TWIST1: variants seen among roughly 807,000 people sequenced by gnomAD.
TWIST1 encodes twist family bHLH transcription factor 1.
In TWIST1, 8 loss-of-function variants were observed where a neutral mutation model predicts 12.9. The observed-to-expected ratio is 0.62, with a 90% CI of 0.37 to 1.12. The LOEUF (loss-of-function observed/expected upper bound fraction) is 1.12. TWIST1 is among the 50% of genes most tolerant of loss of function. TWIST1 has a pLI of 0.02. For synonymous variants in TWIST1, 169 were observed against 138.7 expected (o/e 1.22, Z -1.54); for missense variants, 268 against 299.7 (o/e 0.89, Z 0.78).
rs1215646873 is a variant in TWIST1, at chr7:19,115,483, ATATT to A, written c.*687_*690del. ...AACTCTAAGGTTCTCTAAATTTTTT[ATATT>A]TATTTATTGCAGAAAAATATACAAA... On this transcript the variant is annotated 3_prime_UTR_variant, in exon 2 of 2. Transcript: ENST00000242261. The A allele has an allele frequency of 3.3e-5, 5 of 152,598 alleles. No individual in the cohort carries two copies. Among genetic ancestry groups the A allele is most frequent in the African/African-American group, 9.7e-5 (4 of 41,440 alleles). 9.5% of individuals were successfully genotyped at this position (152,598 alleles called of 1,614,324 possible).
chr7:19,116,639 G>A (rs2115396277), intron 1 of TWIST1, 32 bp downstream of exon 1: 1 of 1,504,420 alleles, frequency 6.6e-7, no homozygotes, highest in African/African-American at 1.4e-5. Context: ...TGCCACCTGA[G>A]AGGCGAAGGG....
downstream of TWIST1, among the ~76,000 whole-genome samples, chr7:19,115,313 C>T (rs1421064501): frequency 6.6e-6 from 1 of 152,150 alleles, no homozygotes; most frequent in African/African-American, 2.4e-5. Flanking sequence ...TTTAAAATAA[C>T]ATGCTTGTGC....
intron 1 of TWIST1, 76 bp downstream of exon 1, chr7:19,116,595 G>C: frequency 8.5e-7 from 1 of 1,177,016 alleles, no homozygotes; most frequent in Non-Finnish European, 1.2e-6. Flanking sequence ...AAATCGAGGT[G>C]GACTGGGAAC....
downstream of TWIST1, chr7:19,114,217 A>G (rs1204117590): frequency 6.6e-6 from 1 of 152,340 alleles, no homozygotes; most frequent in Non-Finnish European, 1.5e-5. Flanking sequence ...TTTTAATACA[A>G]GTCAATGCTG....
downstream of TWIST1, among the ~76,000 whole-genome samples, chr7:19,115,103 T>C (rs554522201): frequency 1.3e-5 from 2 of 152,302 alleles, no homozygotes; most frequent in South Asian, 2.1e-4. Flanking sequence ...GTGAAGAGCA[T>C]GACAAAAAGT....
Position 19,117,045 on chromosome 7 carries a change from TGCCGCC to T in TWIST1, c.271_276del (p.Gly91_Gly92del), listed in dbSNP as rs750238627. 2.1e-6 allele frequency: 3 copies of T among 1,443,618 alleles called. No homozygotes were observed. Among genetic ancestry groups the T allele is most frequent in the Non-Finnish European group, 1.8e-6 (2 of 1,109,462 alleles). The allele number at this position is 1,443,618 out of a possible 1,614,324, so 89.4% of individuals were successfully genotyped here. A position where few individuals can be genotyped will look rare whatever the true frequency, so the allele number is the denominator to read the frequency against. ...TGCGGACTCCCGCCGCCGCTGCTGC[TGCCGCC>T]GCCGCCGCCCGCGCCGCCGCCGCCG... On this transcript the variant is annotated inframe_deletion, in exon 1 of 2. Transcript: ENST00000242261.
Position 19,117,130 on chromosome 7 carries a change from G to T in TWIST1, c.192C>A (p.Asp64Glu). 1 of 1,121,800 alleles carries T rather than the reference G, an allele frequency of 8.9e-7. No homozygotes were observed. Among genetic ancestry groups the T allele is most frequent in the Non-Finnish European group, 1.1e-6 (1 of 918,866 alleles). 69.5% of individuals were successfully genotyped at this position (1,121,800 alleles called of 1,614,324 possible). ...TGCCCTGGGCCGGGCTGCCCGGCTC[G>T]TCGCCGCCTCCGACGCCCCCACCCG... ...GAAGGGVGGG[D>E]EPGSPAQGKR... Residue 64 changes from aspartate to glutamate, a missense_variant, in exon 1 of 2, where the codon GAC (aspartate) becomes GAA (glutamate). This residue lies in a region of TWIST1 where 189 missense variants were observed against 172.1 expected (regional missense o/e 1.10). Coordinates refer to ENST00000242261, the MANE Select transcript of TWIST1 (RefSeq NM_000474.4).
At position 19,117,414 on chromosome 7, in the gene TWIST1, G is replaced by C; in HGVS notation, c.-93C>G. The C allele has an allele frequency of 8.2e-7, 1 of 1,224,018 alleles. No homozygotes were observed. The highest frequency in any genetic ancestry group is 1.0e-6 in the Non-Finnish European group (1 of 978,142). The allele number at this position is 1,224,018 out of a possible 1,614,324, so 75.8% of individuals were successfully genotyped here. Reference sequence around the variant, plus strand: ...CCAGCTTCCCCCGCGCGCGGCGCCGGCCCGGGCGATGCGGCCCGCGGAGGA... The same window carrying C: ...CCAGCTTCCCCCGCGCGCGGCGCCGCCCCGGGCGATGCGGCCCGCGGAGGA... On this transcript the variant is annotated 5_prime_UTR_variant, in exon 1 of 2. Transcript: ENST00000242261.
chr7:19,117,076 G>T lies in TWIST1; in HGVS notation c.246C>A (p.Gly82=). The T allele has an allele frequency of 7.2e-7, 1 of 1,394,126 alleles. No homozygotes were observed. Among genetic ancestry groups the T allele is most frequent in the Non-Finnish European group, 9.2e-7 (1 of 1,082,172 alleles). 86.4% of individuals were successfully genotyped at this position (1,394,126 alleles called of 1,614,324 possible). A position where few individuals can be genotyped will look rare whatever the true frequency, so the allele number is the denominator to read the frequency against. ...CGCCGCCGCCCGCGCCGCCGCCGCC[G>T]CCACAGCCCGCAGACTTCTTGCCGC... ...GKRGKKSAGC[G]GGGGAGGGGG... is the part of the protein sequence containing the mutation. The change falls in exon 1 of 2, where the codon GGC becomes GGA. Residue 82 remains glycine (G), a synonymous_variant. Transcript: ENST00000242261.
rs1788551683 is a variant in TWIST1 at position 19,115,797 on chromosome 7, CTGAT to C, written c.*373_*376del. 1 of 147,152 alleles carries C rather than the reference CTGAT, an allele frequency of 6.8e-6. No homozygotes were observed. Among genetic ancestry groups the C allele is most frequent in the Admixed American group, 6.9e-5 (1 of 14,432 alleles). 9.1% of individuals were successfully genotyped at this position (147,152 alleles called of 1,614,324 possible). ...ATAGTGATGCCTTTCCTTTCAGTGGCTGATTGGCACGACCTCTTGAGAATGCATG... is the reference window on the plus strand; with the variant it reads ...ATAGTGATGCCTTTCCTTTCAGTGGCTGGCACGACCTCTTGAGAATGCATG... On this transcript the variant is annotated 3_prime_UTR_variant, in exon 2 of 2. Coordinates refer to ENST00000242261, the MANE Select transcript of TWIST1 (RefSeq NM_000474.4).
Position 19,117,246 on chromosome 7 carries a change from G to T in TWIST1, c.76C>A (p.Arg26=), listed in dbSNP as rs889282966. ...SLSNSEEEPD[R]QQPPSGKRGG... ...CGCTTGCCGCTCGGCGGCTGCTGCC[G>T]GTCTGGCTCTTCCTCGCTGTTGCTC... The change falls in exon 1 of 2, where the codon CGG becomes AGG. Residue 26 remains arginine (R), a synonymous_variant. Transcript: ENST00000242261. The T allele has an allele frequency of 2.1e-6, 3 of 1,444,762 alleles. No homozygotes were observed. The highest frequency in any genetic ancestry group is 4.8e-5 in the Admixed American group (2 of 41,964). 89.5% of individuals were successfully genotyped at this position (1,444,762 alleles called of 1,614,324 possible).
At chr7:19,116,438 C>T (rs780927923) in intron 1 of TWIST1, among the ~76,000 whole-genome samples, 5 of 152,226 alleles carry the variant, frequency 3.3e-5, no homozygotes, top group African/African-American at 4.8e-5. Flanking sequence ...CGCACACTCA[C>T]GCGCACACAC....
Position 19,115,825 on chromosome 7 carries a change from T to C in TWIST1, c.*349A>G, listed in dbSNP as rs1189577655. On this transcript the variant is annotated 3_prime_UTR_variant, in exon 2 of 2. Transcript: ENST00000242261. ...ATTGGCACGACCTCTTGAGAATGCA[T>C]GCATGAAAAAAATAAAAATAAAAAC... 2.2e-5 allele frequency: 3 copies of C among 135,716 alleles called. No individual in the cohort carries two copies. Among genetic ancestry groups the C allele is most frequent in the Non-Finnish European group, 4.6e-5 (3 of 65,280 alleles). 8.4% of individuals were successfully genotyped at this position (135,716 alleles called of 1,614,324 possible).
Position 19,117,360 on chromosome 7 carries a change from A to C in TWIST1, c.-39T>G. ...ACGCGTGGCCTCGCGGGCCCGGGGC[A>C]GAGGAGAAGAGCGGGGCGCCTCAGC... On this transcript the variant is annotated 5_prime_UTR_variant, in exon 1 of 2. Coordinates refer to ENST00000242261, the MANE Select transcript of TWIST1 (RefSeq NM_000474.4). 1 of 1,398,190 alleles carries C rather than the reference A, an allele frequency of 7.2e-7. No homozygotes were observed. The highest frequency in any genetic ancestry group is 9.3e-7 in the Non-Finnish European group (1 of 1,070,222). 86.6% of individuals were successfully genotyped at this position (1,398,190 alleles called of 1,614,324 possible). A position where few individuals can be genotyped will look rare whatever the true frequency, so the allele number is the denominator to read the frequency against.
At chr7:19,115,017 T>A (rs141943844), downstream of TWIST1, among the ~76,000 whole-genome samples, 3 of 152,346 alleles carry the variant, frequency 2.0e-5, no homozygotes, top group East Asian at 3.8e-4. Context: ...CATTTCTATA[T>A]GTGTATAGAT....
At chr7:19,115,041 CTA>C (rs1192261492), downstream of TWIST1, among the ~76,000 whole-genome samples, 4 of 152,068 alleles carry the variant, frequency 2.6e-5, no homozygotes, top group East Asian at 5.8e-4. Flanking sequence ...TTTCATAACA[CTA>C]TATATGTTTT....
chr7:19,117,097 G>A lies in TWIST1; in HGVS notation c.225C>T (p.Gly75=). ...CGCCGCCACAGCCCGCAGACTTCTT[G>A]CCGCGCTTGCCCTGGGCCGGGCTGC... ...EPGSPAQGKR[G]KKSAGCGGGG... Residue 75 remains glycine (G), a synonymous_variant, in exon 1 of 2, where the codon GGC becomes GGT. Transcript: ENST00000242261. The A allele has an allele frequency of 1.5e-6, 2 of 1,357,114 alleles. No homozygotes were observed. Among genetic ancestry groups the A allele is most frequent in the South Asian group, 1.8e-5 (1 of 57,116 alleles). 84.1% of individuals were successfully genotyped at this position (1,357,114 alleles called of 1,614,324 possible). A position where few individuals can be genotyped will look rare whatever the true frequency, so the allele number is the denominator to read the frequency against.
chr7:19,117,330 C>T lies in TWIST1; in HGVS notation c.-9G>A. 2 of 1,456,860 alleles carry T rather than the reference C, an allele frequency of 1.4e-6. No homozygotes were observed. Among genetic ancestry groups the T allele is most frequent in the Admixed American group, 2.3e-5 (1 of 43,008 alleles). 90.2% of individuals were successfully genotyped at this position (1,456,860 alleles called of 1,614,324 possible). ...GACACGTCCTGCATCATCTCTCGAGCGGCGACGCGTGGCCTCGCGGGCCCG... is the reference window on the plus strand; with the variant it reads ...GACACGTCCTGCATCATCTCTCGAGTGGCGACGCGTGGCCTCGCGGGCCCG... On this transcript the variant is annotated 5_prime_UTR_variant, in exon 1 of 2. Coordinates refer to ENST00000242261, the MANE Select transcript of TWIST1 (RefSeq NM_000474.4).
chr7:19,113,797 G>A (rs1005403792), downstream of TWIST1: 3 of 151,974 alleles, frequency 2.0e-5, no homozygotes, highest in African/African-American at 7.2e-5. Flanking sequence ...AAAAAAGAAA[G>A]AAATAAAAGA....
Sources: gnomAD v4.1 joint callset for allele counts (sites outside exome capture counted in the v4.1 genomes callset) on GRCh38, gnomAD v4.1.1 for gene constraint, gnomAD v4.1.1 regional missense constraint, MANE v1.5 for transcripts, NCBI Gene and HGNC (gene_info 2026-07-23, HGNC 2026-07-21) for gene names.